The following RNF121 variants were observed in gnomAD, a reference collection of about 807,000 sequenced individuals.
The protein encoded by RNF121 is ring finger protein 121, also known as E3 ubiquitin ligase RNF121.
A neutral mutation model predicts 46.5 loss-of-function variants in RNF121; 21 were observed. That is an observed-to-expected ratio of 0.45 (90% CI 0.32 to 0.65). The LOEUF is 0.65. Ranked by LOEUF, RNF121 falls within the 30% of genes least tolerant of loss-of-function variation. The pLI is 0.04. For synonymous variants in RNF121, 139 were observed against 144.7 expected (o/e 0.96, Z 0.28); for missense variants, 346 against 416.0 (o/e 0.83, Z 1.46).
chr11:71,933,706 C>T (rs1485392076), intron 1 of RNF121, among the ~76,000 whole-genome samples: 2 of 152,206 alleles, frequency 1.3e-5, no homozygotes, highest in African/African-American at 4.8e-5. Flanking sequence ...TGTCTGCCTT[C>T]CTCACTAGAC....
At chr11:71,991,029 T>C (rs1954854526) in intron 6 of RNF121, among the ~76,000 whole-genome samples, 1 of 152,158 alleles carries the variant, frequency 6.6e-6, no homozygotes, top group African/African-American at 2.4e-5. Context: ...TGGATATTCA[T>C]GGACATAAAG....
Position 71,990,697 on chromosome 11 carries a change from T to G in RNF121, c.607T>G (p.Tyr203Asp). The change falls in exon 6 of 9, where the codon TAC (tyrosine) becomes GAC (aspartate). Residue 203 changes from tyrosine to aspartate, a missense_variant. Tyr to Asp is a radical substitution (Grantham distance 160, BLOSUM62 -3). Transcript: ENST00000361756. ...ERDFAEMCADYMASTIGFYSE... is the reference protein window; with the variant it reads ...ERDFAEMCADDMASTIGFYSE... ...GGACTTTGCAGAAATGTGTGCAGACTACATGGCATCTACCATAGGGGTAAG... is the reference window on the plus strand; with the variant it reads ...GGACTTTGCAGAAATGTGTGCAGACGACATGGCATCTACCATAGGGGTAAG... The G allele has an allele frequency of 1.2e-6, 2 of 1,614,198 alleles. No homozygotes were observed. Among genetic ancestry groups the G allele is most frequent in the Non-Finnish European group, 1.7e-6 (2 of 1,180,028 alleles).
At chr11:71,956,199 G>T (rs1360112374) in intron 1 of RNF121, among the ~76,000 whole-genome samples, 1 of 152,160 alleles carries the variant, frequency 6.6e-6, no homozygotes, top group Non-Finnish European at 1.5e-5. Context: ...TAAAGGAATG[G>T]TTGTTGATTG....
At chr11:71,930,256 T>C (rs1048099327) in intron 1 of RNF121, among the ~76,000 whole-genome samples, 29 of 152,128 alleles carry the variant, frequency 1.9e-4, no homozygotes, top group African/African-American at 6.0e-4. Context: ...TTGTCAGAGA[T>C]AGAACCAGTG....
At chr11:71,993,367 T>G (rs1565164440) in intron 6 of RNF121, among the ~76,000 whole-genome samples, 1 of 152,236 alleles carries the variant, frequency 6.6e-6, no homozygotes, top group Non-Finnish European at 1.5e-5. Flanking sequence ...AAGCAGTAAC[T>G]CATTACCCCT....
intron 1 of RNF121, among the ~76,000 whole-genome samples, chr11:71,949,962 G>A (rs539490061): frequency 6.6e-6 from 1 of 151,484 alleles, no homozygotes; most frequent in South Asian, 2.1e-4. Flanking sequence ...GATTGCGCCA[G>A]TGCACTCCAG....
chr11:71,940,555 G>A, intron 1 of RNF121, among the ~76,000 whole-genome samples: 1 of 152,188 alleles, frequency 6.6e-6, no homozygotes, highest in East Asian at 1.9e-4. Flanking sequence ...AAAAAGGTAG[G>A]TTGGGGCCAA....
chr11:71,985,269 T>A (rs1414926083), intron 4 of RNF121, among the ~76,000 whole-genome samples: 1 of 152,132 alleles, frequency 6.6e-6, no homozygotes, highest in African/African-American at 2.4e-5. Flanking sequence ...CATGTAGCAT[T>A]TCATGAACAT....
At chr11:71,972,116 A>G (rs1019760527) in intron 3 of RNF121, among the ~76,000 whole-genome samples, 5 of 152,212 alleles carry the variant, frequency 3.3e-5, no homozygotes, top group Non-Finnish European at 5.9e-5. Flanking sequence ...GAGTGGAAAA[A>G]CTAAGAAACA....
At chr11:71,994,987 C>G (rs1954945792) in intron 7 of RNF121, 135 bp downstream of exon 7, 3 of 1,166,422 alleles carry the variant, frequency 2.6e-6, no homozygotes, top group Admixed American at 1.9e-5. Flanking sequence ...AGAGGGCCAC[C>G]TTCCCTACCC....
chr11:71,935,972 T>C (rs112275668), intron 1 of RNF121, among the ~76,000 whole-genome samples: 2,044 of 149,062 alleles, frequency 0.014, 37 homozygotes, highest in African/African-American at 0.048. Context: ...CTCAGCCTCC[T>C]GAGTAGCTGG....
In RNF121 at chr11:71,934,941, CTTT is replaced by C. The variant is rs34428026; in HGVS notation, c.63+5836_63+5838del. ...CTGTGCCAAGTGTTCCAAATGCATT[CTTT>C]TTTTTTTTTTTTTTTTTTAGACAGT... On this transcript the variant is annotated intron_variant, in intron 1 of 8. Coordinates refer to ENST00000361756, the MANE Select transcript of RNF121 (RefSeq NM_018320.5). Among the ~76,000 whole-genome samples, 85 of 135,362 alleles carry C rather than the reference CTTT, an allele frequency of 6.3e-4. 1 individual carries two copies. Among genetic ancestry groups the C allele is most frequent in the African/African-American group, 2.1e-3 (77 of 36,464 alleles). 88.8% of individuals were successfully genotyped at this position (135,362 alleles called of 152,430 possible).
intron 1 of RNF121, among the ~76,000 whole-genome samples, chr11:71,933,081 C>T (rs1953313083): frequency 6.6e-6 from 1 of 152,170 alleles, no homozygotes; most frequent in African/African-American, 2.4e-5. Flanking sequence ...AGTTAGGTGG[C>T]CCAAAAGCCA....
intron 1 of RNF121, among the ~76,000 whole-genome samples, chr11:71,939,776 G>A (rs1040057517): frequency 4.6e-5 from 7 of 152,156 alleles, no homozygotes; most frequent in African/African-American, 1.7e-4. Flanking sequence ...ATTTTCAAAA[G>A]TCACTATGTA....
chr11:71,986,603 T>TA (rs983357293), intron 4 of RNF121, among the ~76,000 whole-genome samples: 2 of 150,714 alleles, frequency 1.3e-5, no homozygotes, highest in Non-Finnish European at 3.0e-5. Flanking sequence ...CCGTCTCTAC[T>TA]AAAAAAAATA....
intron 3 of RNF121, among the ~76,000 whole-genome samples, chr11:71,967,820 GTAT>G (rs145663728): frequency 0.013 from 1,903 of 151,432 alleles, 16 homozygotes; most frequent in South Asian, 0.032. Context: ...ACATTATTAA[GTAT>G]TATATGTAAG....
chr11:71,992,834 AT>A (rs59848440), intron 6 of RNF121, among the ~76,000 whole-genome samples: 3,068 of 151,868 alleles, frequency 0.02, 38 homozygotes, highest in Middle Eastern at 0.065. Flanking sequence ...AAATATTTCT[AT>A]TTTTTTTTTC....
intron 3 of RNF121, chr11:71,978,169 C>T (rs1954570811): frequency 4.4e-6 from 2 of 451,494 alleles, no homozygotes; most frequent in Non-Finnish European, 8.9e-6. Context: ...CCAATGTGCT[C>T]GAATTACAGG....
chr11:71,987,258 C>T, intron 5 of RNF121, 147 bp downstream of exon 5: 1 of 611,582 alleles, frequency 1.6e-6, no homozygotes, highest in Admixed American at 2.8e-5. Context: ...TGGGAGAAGA[C>T]AGGCTCTCCA....
Sources: gnomAD v4.1 joint callset for allele counts (sites outside exome capture counted in the v4.1 genomes callset) on GRCh38, gnomAD v4.1.1 for gene constraint, MANE v1.5 for transcripts, NCBI Gene and HGNC (gene_info 2026-07-23, HGNC 2026-07-21) for gene names.